NPHP4: variants seen among roughly 807,000 people sequenced by gnomAD.
NPHP4 encodes the protein nephrocystin-4.
Under a neutral mutation model 155.8 loss-of-function variants are expected in NPHP4, and 151 were observed. That is an observed-to-expected ratio of 0.97 (90% CI 0.85 to 1.11). The LOEUF (loss-of-function observed/expected upper bound fraction) is 1.11. Ranked by LOEUF, NPHP4 falls within the 50% of genes least tolerant of loss-of-function variation. NPHP4 has a pLI of 0.00. For synonymous variants in NPHP4, 845 were observed against 816.8 expected, an observed-to-expected ratio of 1.03 and a Z score of -0.59; for missense variants, 1,956 against 1,925.7, an observed-to-expected ratio of 1.02 and a Z score of -0.29.
chr1:5,886,401 G>A (rs1449794527), intron 18 of NPHP4: 6 of 152,262 alleles, frequency 3.9e-5, no homozygotes, highest in Non-Finnish European at 8.8e-5. Flanking sequence ...GGCCCATGGG[G>A]CTCTGGGGTT....
chr1:5,991,070 G>T (rs997331845), intron 1 of NPHP4, among the ~76,000 whole-genome samples: 1 of 152,246 alleles, frequency 6.6e-6, no homozygotes, highest in Non-Finnish European at 1.5e-5. Flanking sequence ...GAAGATGCAG[G>T]GGGTGGGAGG....
intron 19 of NPHP4, 127 bp downstream of exon 19, chr1:5,879,987 C>G: frequency 8.8e-7 from 1 of 1,142,236 alleles, no homozygotes; most frequent in South Asian, 1.5e-5. Flanking sequence ...GGGGCACTGA[C>G]AGCACCACGA....
intron 11 of NPHP4, among the ~76,000 whole-genome samples, chr1:5,912,033 T>G (rs1324801316): frequency 3.3e-5 from 5 of 152,110 alleles, no homozygotes; most frequent in African/African-American, 1.2e-4. Flanking sequence ...AGGACACAGG[T>G]AGGAGCAGCT....
chr1:5,934,770 GC>G (rs1348833714), intron 9 of NPHP4, among the ~76,000 whole-genome samples: 1 of 152,150 alleles, frequency 6.6e-6, no homozygotes, highest in Non-Finnish European at 1.5e-5. Context: ...ACGAATGGAC[GC>G]CCATGCCCTG....
intron 16 of NPHP4, among the ~76,000 whole-genome samples, chr1:5,899,367 C>CTGT (rs1428795010): frequency 1.3e-5 from 2 of 152,138 alleles, no homozygotes; most frequent in Admixed American, 6.5e-5. Flanking sequence ...AACAGGGACC[C>CTGT]CACAGACAAG....
chr1:5,879,382 C>T, intron 19 of NPHP4: 1 of 378,350 alleles, frequency 2.6e-6, no homozygotes, highest in South Asian at 2.0e-5. Context: ...AGCCTCCCTG[C>T]TGTGAAACAC....
intron 2 of NPHP4, among the ~76,000 whole-genome samples, chr1:5,980,081 G>A (rs1479164219): frequency 1.3e-5 from 2 of 152,172 alleles, no homozygotes; most frequent in South Asian, 2.1e-4. Context: ...CAGAGACCAC[G>A]ACATGACTCT....
chr1:5,963,552 G>A lies in NPHP4; in HGVS notation c.518-1603C>T, dbSNP rs1200467915. ...AACCTCTCTGGGGGCGGGGCACACA[G>A]GAGAAATAGGAAAAGACTCCAAATG... On this transcript the variant is annotated intron_variant, in intron 5 of 29. Transcript: ENST00000378156. Among the ~76,000 whole-genome samples the A allele has an allele frequency of 5.3e-5, 8 of 152,272 alleles. No homozygotes were observed. The East Asian group carries it at 1.2e-3, about 22-fold the overall frequency.
At chr1:5,962,321 A>T (rs1244775059) in intron 5 of NPHP4, among the ~76,000 whole-genome samples, 1 of 152,172 alleles carries the variant, frequency 6.6e-6, no homozygotes, top group Non-Finnish European at 1.5e-5. Flanking sequence ...CTGGGATTAC[A>T]GGCATGAGAC....
At chr1:5,937,065 A>G (rs1646579577) in intron 9 of NPHP4, among the ~76,000 whole-genome samples, 1 of 152,184 alleles carries the variant, frequency 6.6e-6, no homozygotes, top group South Asian at 2.1e-4. Context: ...CCCAAAACCC[A>G]CAAGAGGCAG....
chr1:5,976,520 C>T (rs528513887), intron 3 of NPHP4, among the ~76,000 whole-genome samples: 4 of 152,224 alleles, frequency 2.6e-5, no homozygotes, highest in African/African-American at 4.8e-5. Flanking sequence ...CCTGCCACAG[C>T]GCAGGCCCGA....
intron 9 of NPHP4, 78 bp from the exon 10 acceptor site, chr1:5,933,407 A>T (rs549857156): frequency 8.3e-7 from 1 of 1,202,500 alleles, no homozygotes; most frequent in Non-Finnish European, 1.2e-6. Flanking sequence ...CAGTGCTTTC[A>T]TGTGTAAAAT....
At chr1:5,893,315 C>T (rs1333053750) in intron 16 of NPHP4, among the ~76,000 whole-genome samples, 1 of 151,904 alleles carries the variant, frequency 6.6e-6, no homozygotes, top group East Asian at 1.9e-4. Context: ...GTAGTGGCCC[C>T]GAATGTCTGG....
chr1:5,904,195 G>C (rs998190785), intron 16 of NPHP4, among the ~76,000 whole-genome samples: 1 of 152,188 alleles, frequency 6.6e-6, no homozygotes, highest in Non-Finnish European at 1.5e-5. Context: ...TCCATGACCA[G>C]TATGGACCTT....
At chr1:5,975,829 G>A (rs1013488290) in intron 3 of NPHP4, among the ~76,000 whole-genome samples, 2 of 152,242 alleles carry the variant, frequency 1.3e-5, no homozygotes, top group Non-Finnish European at 2.9e-5. Flanking sequence ...GAAGGGCAGA[G>A]AGAGGCATCC....
At chr1:5,985,144 ATAATAG>A (rs1217864614) in intron 2 of NPHP4, among the ~76,000 whole-genome samples, 1 of 152,240 alleles carries the variant, frequency 6.6e-6, no homozygotes, top group Admixed American at 6.5e-5. Flanking sequence ...CAGTGATTTA[ATAATAG>A]TAAATTAGTC....
chr1:5,986,159 C>CT lies in NPHP4; in HGVS notation c.130dup (p.Arg44LysfsTer12). 2 of 1,613,880 alleles carry CT rather than the reference C, an allele frequency of 1.2e-6. No individual in the cohort carries two copies. The highest frequency in any genetic ancestry group is 1.7e-6 in the Non-Finnish European group (2 of 1,179,862). Reference sequence around the variant, plus strand: ...GCTAACAGCACATTTTGTTACCTGCCTAATTACCGGTCCGTCCAGCCACTT... The same window carrying CT: ...GCTAACAGCACATTTTGTTACCTGCCTTAATTACCGGTCCGTCCAGCCACTT... On this transcript the variant is annotated frameshift_variant, in exon 2 of 30. Coordinates refer to ENST00000378156, the MANE Select transcript of NPHP4 (RefSeq NM_015102.5). LOFTEE classifies it high-confidence loss of function.
intron 29 of NPHP4, 52 bp from the exon 30 acceptor site, chr1:5,863,457 C>G (rs1247672950): frequency 1.9e-6 from 3 of 1,594,422 alleles, no homozygotes; most frequent in Non-Finnish European, 2.6e-6. Context: ...GTCCCACGCT[C>G]TCACCAGCAA....
chr1:5,931,742 A>C (rs1570495497), intron 10 of NPHP4, among the ~76,000 whole-genome samples: 2 of 151,464 alleles, frequency 1.3e-5, no homozygotes, highest in African/African-American at 4.9e-5. Flanking sequence ...TCAAAAAAAA[A>C]AAAAAAAAAA....
Sources: gnomAD v4.1 joint callset for allele counts (sites outside exome capture counted in the v4.1 genomes callset) on GRCh38, gnomAD v4.1.1 for gene constraint, MANE v1.5 for transcripts, NCBI Gene and HGNC (gene_info 2026-07-23, HGNC 2026-07-21) for gene names.